Variants in EVA1C observed in about 807,000 individuals in gnomAD.
EVA1C encodes the protein protein eva-1 homolog C.
EVA1C carries 25 observed loss-of-function variants against 45.4 expected under a neutral mutation model. That is an observed-to-expected ratio of 0.55 (90% confidence interval 0.40 to 0.77). EVA1C has a LOEUF of 0.77. Ranked by LOEUF, EVA1C falls within the 30% of genes least tolerant of loss-of-function variation. EVA1C has a pLI of 0.00. For synonymous variants in EVA1C, 190 were observed against 221.2 expected (o/e 0.86, Z 1.25); for missense variants, 479 against 554.8 (o/e 0.86, Z 1.37).
At position 32,467,841 on chromosome 21, in the gene EVA1C, C is replaced by T; in HGVS notation, c.627C>T (p.Pro209=). The change falls in exon 4 of 8, where the codon CCC becomes CCT. Residue 209 remains proline (P), a synonymous_variant. Coordinates refer to ENST00000300255, the MANE Select transcript of EVA1C (RefSeq NM_058187.5). The stretch of plus-strand genomic sequence containing the variant: ...GCTCCTCCAAGGCAGAGCGGCTCCC[C>T]CCTTTCGGTATGTGCTTTTGTGTGT... ...DICSSKAERL[P]PFDCLSYSAL... The T allele has an allele frequency of 6.2e-7, 1 of 1,608,304 alleles. No individual in the cohort carries two copies. The highest frequency in any genetic ancestry group is 1.1e-5 in the South Asian group (1 of 90,144).
chr21:32,514,632 C>CT (rs956795424), intron 7 of EVA1C, among the ~76,000 whole-genome samples, 182 bp from the exon 8 acceptor site: 1 of 151,944 alleles, frequency 6.6e-6, no homozygotes, highest in African/African-American at 2.4e-5. Flanking sequence ...GGCGCAAAAG[C>CT]TTTTTTGAAA....
chr21:32,438,645 G>A (rs915503713), intron 1 of EVA1C, among the ~76,000 whole-genome samples: 1 of 152,116 alleles, frequency 6.6e-6, no homozygotes, highest in African/African-American at 2.4e-5. Context: ...CGCACATCCA[G>A]GAAAGCCCCA....
intron 7 of EVA1C, among the ~76,000 whole-genome samples, chr21:32,506,235 T>C (rs1242652839): frequency 6.8e-6 from 1 of 148,010 alleles, no homozygotes; most frequent in Non-Finnish European, 1.5e-5. Flanking sequence ...TTATTTTGTG[T>C]GGTATCCCTG....
intron 1 of EVA1C, among the ~76,000 whole-genome samples, chr21:32,415,438 G>T (rs1185945722): frequency 6.6e-6 from 1 of 152,182 alleles, no homozygotes; most frequent in Admixed American, 6.5e-5. Context: ...CCCAGCCATT[G>T]TCTGTACAAT....
At chr21:32,423,782 T>C (rs1268888550) in intron 1 of EVA1C, among the ~76,000 whole-genome samples, 2 of 152,162 alleles carry the variant, frequency 1.3e-5, no homozygotes, top group Non-Finnish European at 2.9e-5. Flanking sequence ...CGTTTCAATC[T>C]GAGAGCCAAG....
intron 1 of EVA1C, among the ~76,000 whole-genome samples, chr21:32,443,493 C>A (rs1054940157): frequency 6.6e-6 from 1 of 152,064 alleles, no homozygotes; most frequent in Non-Finnish European, 1.5e-5. Flanking sequence ...GCCAAGATTG[C>A]GCCATTGCAC....
At position 32,474,688 on chromosome 21, in the gene EVA1C, C is replaced by T. The variant is rs1346050649; in HGVS notation, c.634+6840C>T. Among the ~76,000 whole-genome samples, 1 of 152,178 alleles carries T rather than the reference C, an allele frequency of 6.6e-6. No individual in the cohort carries two copies. Among genetic ancestry groups the T allele is most frequent in the Non-Finnish European group, 1.5e-5 (1 of 68,044 alleles). On this transcript the variant is annotated intron_variant, in intron 4 of 7. Coordinates refer to ENST00000300255, the MANE Select transcript of EVA1C (RefSeq NM_058187.5). The surrounding 1 kb of genome is among the most constrained non-coding windows in gnomAD (Gnocchi z 4.4). ...GCATAGAGTGGGTGCTCACGTGAAT[C>T]TTGAGGCACAGGAATGAATCAGAGC...
intron 7 of EVA1C, among the ~76,000 whole-genome samples, chr21:32,507,370 GTGTGTGCA>G (rs917690236): frequency 9.9e-5 from 15 of 151,810 alleles, no homozygotes; most frequent in South Asian, 4.2e-4. Context: ...GTGTGCATGT[GTGTGTGCA>G]TGTGTGCATG....
At chr21:32,492,988 C>A (rs1191517973) in intron 4 of EVA1C, among the ~76,000 whole-genome samples, 1 of 152,094 alleles carries the variant, frequency 6.6e-6, no homozygotes, top group African/African-American at 2.4e-5. Flanking sequence ...TGTGCATGCA[C>A]AAGTGTGTGT....
At chr21:32,467,493 C>A (rs1311769693) in intron 3 of EVA1C, among the ~76,000 whole-genome samples, 1 of 152,164 alleles carries the variant, frequency 6.6e-6, no homozygotes, top group African/African-American at 2.4e-5. Flanking sequence ...GGTCTTTGCG[C>A]TTGTCAACAG....
intron 1 of EVA1C, among the ~76,000 whole-genome samples, chr21:32,431,772 A>G (rs1287757626): frequency 1.3e-5 from 2 of 152,184 alleles, no homozygotes; most frequent in African/African-American, 2.4e-5. Context: ...ATTATTTTCT[A>G]AGTGGCAGAT....
chr21:32,453,601 TC>T (rs1418917884), intron 2 of EVA1C, 93 bp downstream of exon 2: 8 of 968,894 alleles, frequency 8.3e-6, no homozygotes, highest in Non-Finnish European at 1.2e-5. Context: ...ATTATATAGT[TC>T]AATCCAAGCA....
In EVA1C at chr21:32,498,098, A is replaced by T. The variant is rs191709614; in HGVS notation, c.778+2928A>T. Among the ~76,000 whole-genome samples, 4 of 152,298 alleles carry T rather than the reference A, an allele frequency of 2.6e-5. No homozygotes were observed. The East Asian group carries it at 7.7e-4, about 29-fold the overall frequency. On this transcript the variant is annotated intron_variant, in intron 5 of 7. Coordinates refer to ENST00000300255, the MANE Select transcript of EVA1C (RefSeq NM_058187.5). ...CTTTTCTTCCTTCTGTCACTCATTC[A>T]GCACATTGCTCTTTGTGTCAGGAGC...
intron 7 of EVA1C, among the ~76,000 whole-genome samples, chr21:32,513,123 C>A (rs1329224109): frequency 1.3e-5 from 2 of 148,610 alleles, no homozygotes; most frequent in South Asian, 2.1e-4. Flanking sequence ...ATAATACTTA[C>A]AATGATATAA....
At chr21:32,447,716 G>GT (rs1321499223) in intron 1 of EVA1C, among the ~76,000 whole-genome samples, 4 of 151,590 alleles carry the variant, frequency 2.6e-5, no homozygotes, top group Admixed American at 1.3e-4. Context: ...TCTTTTTTCT[G>GT]TGTTTTGAGA....
intron 3 of EVA1C, among the ~76,000 whole-genome samples, 178 bp from the exon 4 acceptor site, chr21:32,467,518 G>T (rs545707924): frequency 6.6e-6 from 1 of 152,140 alleles, no homozygotes; most frequent in Admixed American, 6.5e-5. Flanking sequence ...CTTCCCACCC[G>T]CTTCCTGCAG....
intron 1 of EVA1C, among the ~76,000 whole-genome samples, chr21:32,418,804 G>C (rs2034152226): frequency 6.6e-6 from 1 of 152,068 alleles, no homozygotes; most frequent in Non-Finnish European, 1.5e-5. Context: ...AAGTTCATGG[G>C]GTCATTGCTG....
At chr21:32,412,110 C>A (rs2033843066), upstream of EVA1C, 1 of 152,446 alleles carries the variant, frequency 6.6e-6, no homozygotes, top group East Asian at 1.9e-4. Flanking sequence ...GGTTTTGAGA[C>A]CTCCAGCTCG....
chr21:32,423,573 G>A (rs2034373138), intron 1 of EVA1C, among the ~76,000 whole-genome samples: 1 of 152,000 alleles, frequency 6.6e-6, no homozygotes. Context: ...TTGGAACTGA[G>A]TGTTTGGAAG....
Sources: allele counts gnomAD v4.1 joint callset (sites outside exome capture counted in the v4.1 genomes callset), GRCh38; gene constraint gnomAD v4.1.1; non-coding constraint Gnocchi (gnomAD v3.1); transcripts MANE v1.5; gene names NCBI Gene and HGNC (gene_info 2026-07-23, HGNC 2026-07-21).